Variants in CGNL1 observed in about 807,000 individuals in gnomAD.
CGNL1 encodes cingulin like 1.
A neutral mutation model predicts 141.2 loss-of-function variants in CGNL1; 132 were observed. That is an observed-to-expected ratio of 0.93 (90% CI 0.81 to 1.08). CGNL1 has a LOEUF of 1.08. Ranked by LOEUF, CGNL1 falls within the 50% of genes least tolerant of loss-of-function variation. CGNL1 has a pLI of 0.00. For synonymous variants in CGNL1, 690 were observed against 622.1 expected (o/e 1.11, Z -1.63); for missense variants, 1,870 against 1,588.6 (o/e 1.18, Z -3.01).
At chr15:57,497,542 G>A (rs572613313) in intron 8 of CGNL1, among the ~76,000 whole-genome samples, 3 of 152,320 alleles carry the variant, frequency 2.0e-5, no homozygotes, top group African/African-American at 7.2e-5. Context: ...GTCTTGAGTG[G>A]CCTGAACCTC....
chr15:57,457,692 C>T lies in CGNL1; in HGVS notation c.2190+3874C>T, dbSNP rs561015398. ...GTGAGAGCCAAGTGACAGGGGTTTC[C>T]GCTTATAAAATCATCAGATCTCCTG... is the stretch of plus-strand genomic sequence containing the variant. On this transcript the variant is annotated intron_variant, in intron 7 of 18. Transcript: ENST00000281282. Among the ~76,000 whole-genome samples, 231 of 152,222 alleles carry T rather than the reference C, an allele frequency of 1.5e-3. 3 individuals are homozygous for T. In the South Asian group the frequency reaches 0.037, roughly 25 times the overall value.
intron 1 of CGNL1, among the ~76,000 whole-genome samples, chr15:57,397,481 A>G (rs960508534): frequency 6.6e-6 from 1 of 152,150 alleles, no homozygotes; most frequent in Admixed American, 6.5e-5. Context: ...AGGGTCTTTA[A>G]GATGTCTTAT....
At chr15:57,459,345 G>C (rs2063418158) in intron 7 of CGNL1, among the ~76,000 whole-genome samples, 1 of 152,210 alleles carries the variant, frequency 6.6e-6, no homozygotes, top group African/African-American at 2.4e-5. Context: ...ACAAGGATAA[G>C]TAGGCGAGTC....
At chr15:57,399,656 A>G (rs1292711352) in intron 1 of CGNL1, among the ~76,000 whole-genome samples, 1 of 152,054 alleles carries the variant, frequency 6.6e-6, no homozygotes, top group Non-Finnish European at 1.5e-5. Context: ...TCTTCATGAC[A>G]ATGAGTAAAG....
In CGNL1 at chr15:57,547,410, A is replaced by G; in HGVS notation, c.3829A>G (p.Ser1277Gly). Residue 1277 changes from serine (S) to glycine (G), a missense_variant, in exon 19 of 19, where the codon AGC becomes GGC. Ser to Gly is a moderately conservative substitution (Grantham distance 56). Coordinates refer to ENST00000281282, the MANE Select transcript of CGNL1 (RefSeq NM_032866.5). The stretch of plus-strand genomic sequence containing the variant: ...TGACATGGATGACGACGATGACCTC[A>G]GCACGGATGGGGGAAGCCTCTATGA... ...LDDMDDDDDL[S>G]TDGGSLYEAP... 6.2e-7 allele frequency: 1 copy of G among 1,614,214 alleles called. No homozygotes were observed. Among genetic ancestry groups the G allele is most frequent in the South Asian group, 1.1e-5 (1 of 91,082 alleles).
At chr15:57,541,559 C>A (rs562571902) in intron 14 of CGNL1, among the ~76,000 whole-genome samples, 1 of 152,334 alleles carries the variant, frequency 6.6e-6, no homozygotes, top group Admixed American at 6.5e-5. Context: ...GGTGGACGTG[C>A]CCTGCCTGCT....
At chr15:57,496,383 C>T (rs1366309295) in intron 8 of CGNL1, among the ~76,000 whole-genome samples, 1 of 152,110 alleles carries the variant, frequency 6.6e-6, no homozygotes, top group East Asian at 1.9e-4. Flanking sequence ...CTGTTAGGGA[C>T]CAGGAACACA....
At chr15:57,453,655 C>G in intron 6 of CGNL1, 28 bp from the exon 7 acceptor site, 1 of 1,612,296 alleles carries the variant, frequency 6.2e-7, no homozygotes, top group Non-Finnish European at 8.5e-7. Flanking sequence ...CCAGAAGAGC[C>G]TGTCTAATGG....
intron 8 of CGNL1, among the ~76,000 whole-genome samples, chr15:57,492,784 C>A (rs1379605704): frequency 1.3e-5 from 2 of 152,142 alleles, no homozygotes; most frequent in African/African-American, 4.8e-5. Context: ...AGTTTCCTTG[C>A]TAGCCTGGGG....
chr15:57,382,617 G>GT (rs2062436724), intron 1 of CGNL1, among the ~76,000 whole-genome samples: 1 of 152,204 alleles, frequency 6.6e-6, no homozygotes. Context: ...ATGACCTCTA[G>GT]TTTTGGCCTC....
At chr15:57,541,624 G>C (rs1351796135) in intron 14 of CGNL1, among the ~76,000 whole-genome samples, 1 of 152,190 alleles carries the variant, frequency 6.6e-6, no homozygotes, top group Non-Finnish European at 1.5e-5. Flanking sequence ...CCCTAAGGAG[G>C]CTGGACTGCC....
intron 8 of CGNL1, among the ~76,000 whole-genome samples, chr15:57,473,899 CTTTTTT>C (rs59761174): frequency 0.09 from 6,292 of 69,890 alleles, 187 homozygotes; most frequent in Non-Finnish European, 0.11. Flanking sequence ...TCTTCTTCTT[CTTTTTT>C]TTTTTTTTTT....
intron 14 of CGNL1, among the ~76,000 whole-genome samples, chr15:57,542,219 G>T (rs1305258948): frequency 6.6e-6 from 1 of 152,206 alleles, no homozygotes; most frequent in East Asian, 1.9e-4. Context: ...TTCAACTTGA[G>T]GCCAGGCCAA....
chr15:57,438,464 T>C lies in CGNL1; in HGVS notation c.465T>C (p.Tyr155=). The change falls in exon 2 of 19, where the codon TAT becomes TAC. Residue 155 remains tyrosine (Y), a synonymous_variant. Transcript: ENST00000281282. ...FQRHPELLQP[Y]DPEKNELNLQ... is the part of the protein sequence containing the mutation. ...GGCATCCAGAGCTTTTGCAACCCTA[T>C]GACCCTGAAAAGAATGAGTTGAATT... 6.2e-7 allele frequency: 1 copy of C among 1,614,182 alleles called. No homozygotes were observed. The highest frequency in any genetic ancestry group is 8.5e-7 in the Non-Finnish European group (1 of 1,180,040).
chr15:57,481,501 G>T (rs1450996374), intron 8 of CGNL1, among the ~76,000 whole-genome samples: 1 of 152,200 alleles, frequency 6.6e-6, no homozygotes, highest in African/African-American at 2.4e-5. Flanking sequence ...CCTCCAAGCT[G>T]CTGCATGTAT....
intron 1 of CGNL1, among the ~76,000 whole-genome samples, chr15:57,431,082 C>T (rs919090159): frequency 6.6e-6 from 1 of 152,188 alleles, no homozygotes; most frequent in Non-Finnish European, 1.5e-5. Context: ...GTAAAAGGAG[C>T]CTTTTTACAG....
intron 8 of CGNL1, among the ~76,000 whole-genome samples, chr15:57,482,968 A>G (rs1465662995): frequency 2.0e-5 from 3 of 151,952 alleles, no homozygotes; most frequent in African/African-American, 7.2e-5. Context: ...TGTATTTTTA[A>G]TAGAGACAGG....
chr15:57,500,461 C>G (rs892423729), intron 8 of CGNL1, among the ~76,000 whole-genome samples: 3 of 152,226 alleles, frequency 2.0e-5, no homozygotes, highest in Non-Finnish European at 2.9e-5. Flanking sequence ...CTTAACCTCT[C>G]CAGGCCCCAG....
At chr15:57,537,503 C>T (rs2032325540) in intron 14 of CGNL1, among the ~76,000 whole-genome samples, 1 of 151,778 alleles carries the variant, frequency 6.6e-6, no homozygotes. Context: ...ATCAGCTGCT[C>T]AAAAACCCAG....
Sources: allele counts gnomAD v4.1 joint callset (sites outside exome capture counted in the v4.1 genomes callset), GRCh38; gene constraint gnomAD v4.1.1; transcripts MANE v1.5; gene names NCBI Gene and HGNC (gene_info 2026-07-23, HGNC 2026-07-21).